NMRK1: variants seen among roughly 807,000 people sequenced by gnomAD.
NMRK1 encodes nicotinamide riboside kinase 1.
A neutral mutation model predicts 29.9 loss-of-function variants in NMRK1; 28 were observed. That is an observed-to-expected ratio of 0.94 (90% confidence interval 0.69 to 1.28). The LOEUF (loss-of-function observed/expected upper bound fraction) is 1.28. Among genes scored for constraint, NMRK1 ranks in the 50% most tolerant of loss-of-function variants. The pLI is 0.00. For missense variants in NMRK1, 218 were observed against 233.1 expected (o/e 0.94, Z 0.42); for synonymous variants, 58 against 73.0 (o/e 0.79, Z 1.05).
chr9:75,080,261 T>C (rs964091409), intron 2 of NMRK1, among the ~76,000 whole-genome samples: 1 of 152,164 alleles, frequency 6.6e-6, no homozygotes, highest in African/African-American at 2.4e-5. Context: ...TTTAAACTTT[T>C]TTATGTTGTG....
chr9:75,069,064 A>G lies in NMRK1; in HGVS notation c.428T>C (p.Phe143Ser). The G allele has an allele frequency of 6.2e-7, 1 of 1,614,118 alleles. No individual in the cohort carries two copies. The highest frequency in any genetic ancestry group is 8.5e-7 in the Non-Finnish European group (1 of 1,179,972). ...VYQPPDSPGY[F>S]DGHVWPMYLK... Reference sequence around the variant, plus strand: ...ATACATGGGCCACACATGGCCATCAAAGTATCCCGGAGAGTCTGGAGGCTG... The same window carrying G: ...ATACATGGGCCACACATGGCCATCAGAGTATCCCGGAGAGTCTGGAGGCTG... The change falls in exon 7 of 9, where the codon TTT becomes TCT. Residue 143 changes from phenylalanine to serine, a missense_variant. By Grantham distance (155) the Phe-to-Ser change is radical. Coordinates refer to ENST00000361092, the MANE Select transcript of NMRK1 (RefSeq NM_017881.3).
At chr9:75,075,159 C>A (rs1477392199) in intron 4 of NMRK1, among the ~76,000 whole-genome samples, 1 of 152,208 alleles carries the variant, frequency 6.6e-6, no homozygotes, top group African/African-American at 2.4e-5. Flanking sequence ...TAACTGACTG[C>A]TTCTATGAAG....
chr9:75,066,612 T>A (rs1823366633), intron 8 of NMRK1, 145 bp downstream of exon 8: 1 of 674,154 alleles, frequency 1.5e-6, no homozygotes, highest in South Asian at 1.6e-5. Context: ...CCAGAATTTC[T>A]GATTCTGAAT....
At chr9:75,087,862 A>G (rs192153886) in intron 1 of NMRK1, 146 bp downstream of exon 1, 2 of 152,528 alleles carry the variant, frequency 1.3e-5, no homozygotes, top group Admixed American at 1.3e-4. Flanking sequence ...CAGGCCACCT[A>G]TCAGCTCTGT....
chr9:75,085,189 C>T (rs375676956), intron 1 of NMRK1, among the ~76,000 whole-genome samples: 1 of 152,120 alleles, frequency 6.6e-6, no homozygotes, highest in Non-Finnish European at 1.5e-5. Flanking sequence ...TTGGATAGCT[C>T]GCTGAAGCAT....
chr9:75,067,111 G>A (rs1823399201), intron 7 of NMRK1: 1 of 294,150 alleles, frequency 3.4e-6, no homozygotes. Context: ...GAAGAAAGGA[G>A]GAAAGAAACA....
At chr9:75,064,780 C>A (rs1380744985) in intron 8 of NMRK1, among the ~76,000 whole-genome samples, 2 of 151,966 alleles carry the variant, frequency 1.3e-5, no homozygotes, top group Non-Finnish European at 2.9e-5. Context: ...TTGCTTCTCA[C>A]CAAAAAAAAC....
chr9:75,076,648 T>C (rs1170134539), intron 4 of NMRK1, among the ~76,000 whole-genome samples: 1 of 152,204 alleles, frequency 6.6e-6, no homozygotes, highest in African/African-American at 2.4e-5. Context: ...TGGAGTACAG[T>C]GGTGCGATCT....
chr9:75,078,353 C>T, intron 2 of NMRK1: 2 of 1,573,116 alleles, frequency 1.3e-6, no homozygotes, highest in Non-Finnish European at 1.7e-6. Flanking sequence ...TCTGCGATGC[C>T]TCCTTTTCCC....
chr9:75,071,667 G>C (rs1041254607), intron 4 of NMRK1, among the ~76,000 whole-genome samples: 2 of 152,286 alleles, frequency 1.3e-5, no homozygotes, highest in East Asian at 1.9e-4. Flanking sequence ...AGGTTCAGGT[G>C]GGGGTGGATG....
At chr9:75,070,936 G>A (rs1823661014) in intron 4 of NMRK1, among the ~76,000 whole-genome samples, 1 of 151,382 alleles carries the variant, frequency 6.6e-6, no homozygotes, top group Non-Finnish European at 1.5e-5. Flanking sequence ...GATCTACAGT[G>A]ATATTACCTT....
chr9:75,071,194 C>T (rs1045951387), intron 4 of NMRK1, among the ~76,000 whole-genome samples: 1 of 151,988 alleles, frequency 6.6e-6, no homozygotes, highest in African/African-American at 2.4e-5. Flanking sequence ...AGTCTATTCT[C>T]TGTTGTTCAG....
chr9:75,074,548 G>A (rs2118137515), intron 4 of NMRK1, among the ~76,000 whole-genome samples: 1 of 152,050 alleles, frequency 6.6e-6, no homozygotes, highest in South Asian at 2.1e-4. Context: ...CACCACACCT[G>A]GCTAATTTTT....
At chr9:75,082,317 G>C (rs1194596105) in intron 2 of NMRK1, among the ~76,000 whole-genome samples, 2 of 152,200 alleles carry the variant, frequency 1.3e-5, no homozygotes, top group Non-Finnish European at 2.9e-5. Context: ...AGGCAAAGCA[G>C]AGTTCTAACA....
At chr9:75,063,901 A>C (rs1260461924) in intron 8 of NMRK1, among the ~76,000 whole-genome samples, 2 of 152,156 alleles carry the variant, frequency 1.3e-5, no homozygotes, top group African/African-American at 4.8e-5. Flanking sequence ...ACTGAGAAAA[A>C]CCAGCATAAA....
intron 8 of NMRK1, among the ~76,000 whole-genome samples, chr9:75,063,200 G>A (rs1164689575): frequency 6.6e-6 from 1 of 151,172 alleles, no homozygotes; most frequent in Non-Finnish European, 1.5e-5. Context: ...CAGTTACTCG[G>A]GAGGCTGAGG....
chr9:75,085,726 GTTTTTTTTTTTT>G (rs58741153), intron 1 of NMRK1, among the ~76,000 whole-genome samples: 13 of 85,130 alleles, frequency 1.5e-4, no homozygotes, highest in African/African-American at 4.0e-4. Flanking sequence ...TCAAATGTAA[GTTTTTTTTTTTT>G]TTTTTTTTTT....
chr9:75,063,342 T>A (rs1587350897), intron 8 of NMRK1, among the ~76,000 whole-genome samples: 2 of 147,020 alleles, frequency 1.4e-5, no homozygotes, highest in African/African-American at 2.5e-5. Context: ...AGACTCCATA[T>A]GAGAAAAATA....
intron 8 of NMRK1, among the ~76,000 whole-genome samples, chr9:75,065,525 C>T (rs985393215): frequency 1.3e-5 from 2 of 152,016 alleles, no homozygotes; most frequent in African/African-American, 2.4e-5. Context: ...CACTATGTTG[C>T]TCAGGCTGGT....
Sources: gnomAD v4.1 joint callset for allele counts (sites outside exome capture counted in the v4.1 genomes callset) on GRCh38, gnomAD v4.1.1 for gene constraint, MANE v1.5 for transcripts, NCBI Gene and HGNC (gene_info 2026-07-23, HGNC 2026-07-21) for gene names.